Variants in TP63 observed in about 807,000 individuals in gnomAD.
TP63 encodes the protein tumor protein p63, also known as tumor protein 63.
In TP63, 17 loss-of-function variants were observed where a neutral mutation model predicts 82.8. The ratio of observed to expected loss-of-function variants is 0.21; its 90% CI spans 0.14 to 0.31. The LOEUF (loss-of-function observed/expected upper bound fraction) is 0.31. TP63 is among the 10% of genes least tolerant of loss of function. The pLI is 1.00. For missense variants in TP63, 648 were observed against 895.3 expected, an observed-to-expected ratio of 0.72 and a Z score of 3.52; for synonymous variants, 330 against 321.7, an observed-to-expected ratio of 1.03 and a Z score of -0.28.
intron 1 of TP63, among the ~76,000 whole-genome samples, chr3:189,639,827 A>G (rs12696594): frequency 0.45 from 67,949 of 151,952 alleles, 15,800 homozygotes; most frequent in East Asian, 0.51. Context: ...AATAAATAAT[A>G]GAACATATAC....
intron 3 of TP63, among the ~76,000 whole-genome samples, chr3:189,788,277 T>A (rs184486765): frequency 1.3e-5 from 2 of 152,118 alleles, no homozygotes; most frequent in African/African-American, 4.8e-5. Context: ...TTTTTGTGTA[T>A]AAAAGAAGGA....
At chr3:189,607,545 A>G in the TP63 span, among the ~76,000 whole-genome samples, 7 of 152,066 alleles carry the variant, frequency 4.6e-5, no homozygotes, top group East Asian at 1.9e-4. Flanking sequence ...AGTAAAATGG[A>G]TAAGTAAGAT....
At chr3:189,884,247 A>G (rs1201755119) in intron 10 of TP63, among the ~76,000 whole-genome samples, 1 of 152,220 alleles carries the variant, frequency 6.6e-6, no homozygotes, top group Non-Finnish European at 1.5e-5. Context: ...GTGCAGCCAT[A>G]TGTGCTGACT....
chr3:189,873,308 T>C (rs1212788359), intron 10 of TP63: 2 of 427,784 alleles, frequency 4.7e-6, no homozygotes, highest in African/African-American at 2.0e-5. Flanking sequence ...AAGTACACAC[T>C]CTATTTGGTA....
intron 1 of TP63, among the ~76,000 whole-genome samples, chr3:189,660,868 T>G (rs1290706876): frequency 6.6e-6 from 1 of 151,826 alleles, no homozygotes; most frequent in Non-Finnish European, 1.5e-5. Flanking sequence ...AGCTTCAACA[T>G]TATTGGTGTA....
intron 9 of TP63, 123 bp downstream of exon 9, chr3:189,869,529 C>T (rs1718152577): frequency 3.5e-6 from 3 of 859,942 alleles, no homozygotes; most frequent in South Asian, 1.5e-5. Context: ...TCAGTTGAAG[C>T]TGCTACAACA....
At chr3:189,844,473 A>G (rs895075262) in intron 4 of TP63, 5 of 271,308 alleles carry the variant, frequency 1.8e-5, no homozygotes, top group Non-Finnish European at 3.0e-5. Context: ...TTTAGTAGAG[A>G]TGGGGTTTCA....
At chr3:189,892,708 C>T (rs1358555498) in intron 13 of TP63, among the ~76,000 whole-genome samples, 1 of 152,062 alleles carries the variant, frequency 6.6e-6, no homozygotes, top group Admixed American at 6.6e-5. Flanking sequence ...AGGAAAATGG[C>T]GTGAACTTGG....
chr3:189,706,924 TC>T (rs1718246273), intron 1 of TP63, among the ~76,000 whole-genome samples: 1 of 151,486 alleles, frequency 6.6e-6, no homozygotes, highest in African/African-American at 2.5e-5. Flanking sequence ...ATACAATTTC[TC>T]CTACACGCTG....
intron 3 of TP63, chr3:189,789,610 C>T: frequency 7.7e-7 from 1 of 1,304,196 alleles, no homozygotes. Context: ...AGAGTCCCGC[C>T]TCCTCATGCC....
At chr3:189,828,549 T>A (rs935811287) in intron 4 of TP63, among the ~76,000 whole-genome samples, 1 of 152,234 alleles carries the variant, frequency 6.6e-6, no homozygotes, top group African/African-American at 2.4e-5. Flanking sequence ...TTTATCCTTC[T>A]GCTTTGACTA....
the TP63 span, among the ~76,000 whole-genome samples, chr3:189,598,965 C>G: frequency 6.6e-6 from 1 of 152,156 alleles, no homozygotes; most frequent in Non-Finnish European, 1.5e-5. Context: ...ACTGCGAAGG[C>G]TTTTTGCAGG....
the TP63 span, among the ~76,000 whole-genome samples, chr3:189,618,133 C>T: frequency 6.6e-6 from 1 of 152,126 alleles, no homozygotes; most frequent in African/African-American, 2.4e-5. Context: ...AAGTGAGGGG[C>T]CCTTCTAAGA....
chr3:189,689,098 C>CTTTTTTTTTTTTTTTTTTTTTT lies in TP63; in HGVS notation c.63-48637_63-48636insTTTTTTTTTTTTTTTTTTTTTT, dbSNP rs1383931117. ...CAGAGTGGCCAGCATTCAAATCTAC[C>CTTTTTTTTTTTTTTTTTTTTTT]TTTTTCTTTTTTTTTTTTTTTTTTT... On this transcript the variant is annotated intron_variant, in intron 1 of 13. Transcript: ENST00000264731. Among the ~76,000 whole-genome samples the CTTTTTTTTTTTTTTTTTTTTTT allele has an allele frequency of 1.4e-4, 12 of 85,140 alleles. 6 individuals carry two copies. The highest frequency in any genetic ancestry group is 3.6e-4 in the Admixed American group (2 of 5,592). 55.9% of individuals were successfully genotyped at this position (85,140 alleles called of 152,430 possible).
At chr3:189,848,111 C>G (rs1034244844) in intron 4 of TP63, among the ~76,000 whole-genome samples, 1 of 152,148 alleles carries the variant, frequency 6.6e-6, no homozygotes, top group African/African-American at 2.4e-5. Context: ...AATCTCTTCT[C>G]CTTTCTGGGG....
intron 3 of TP63, among the ~76,000 whole-genome samples, chr3:189,784,105 A>G (rs1724420931): frequency 6.6e-6 from 1 of 151,928 alleles, no homozygotes. Context: ...TTTTATTTGT[A>G]TTTTACTTTT....
At chr3:189,868,230 G>A (rs754446317) in intron 7 of TP63, among the ~76,000 whole-genome samples, 2 of 152,112 alleles carry the variant, frequency 1.3e-5, no homozygotes, top group Non-Finnish European at 2.9e-5. Context: ...GGTCCTCAAG[G>A]CATTTCACAG....
rs201659011 is a variant in TP63 at position 189,726,106 on chromosome 3, T to TAA, written c.63-11631_63-11630dup. 8.8e-3 allele frequency among the ~76,000 whole-genome samples: 1,339 copies of TAA among 152,198 alleles called. 22 individuals are homozygous for TAA. Among genetic ancestry groups the TAA allele is most frequent in the African/African-American group, 0.031 (1,286 of 41,482 alleles). On this transcript the variant is annotated intron_variant, in intron 1 of 13. Coordinates refer to ENST00000264731, the MANE Select transcript of TP63 (RefSeq NM_003722.5). The stretch of plus-strand genomic sequence containing the variant: ...CATCATTGCTAGTGAATGTTTGGAA[T>TAA]AAAACATGTACAGATTAGGCAAATT...
At chr3:189,671,219 G>A (rs1411072264) in intron 1 of TP63, among the ~76,000 whole-genome samples, 1 of 151,896 alleles carries the variant, frequency 6.6e-6, no homozygotes, top group Non-Finnish European at 1.5e-5. Context: ...TTAATAATGG[G>A]CAAGGGATTT....
Sources: allele counts gnomAD v4.1 joint callset (sites outside exome capture counted in the v4.1 genomes callset), GRCh38; gene constraint gnomAD v4.1.1; transcripts MANE v1.5; gene names NCBI Gene and HGNC (gene_info 2026-07-23, HGNC 2026-07-21).